The following COL6A3 variants were observed in gnomAD, a reference collection of about 807,000 sequenced individuals.
COL6A3 encodes collagen alpha-3(VI) chain.
In COL6A3, 137 loss-of-function variants were observed where a neutral mutation model predicts 274.1. The observed-to-expected ratio is 0.50, with a 90% CI of 0.44 to 0.58. The LOEUF (loss-of-function observed/expected upper bound fraction) is 0.58. Among genes scored for constraint, COL6A3 ranks in the 20% least tolerant of loss-of-function variants. The probability of loss-of-function intolerance (pLI) is 0.00; values close to 1 mark genes in which losing one functional copy is unlikely to be tolerated. For synonymous variants in COL6A3, 1,650 were observed against 1,650.6 expected (o/e 1.00, Z 0.01); for missense variants, 3,950 against 4,124.9 (o/e 0.96, Z 1.16).
chr2:237,371,752 C>T lies in COL6A3; in HGVS notation c.4265G>A (p.Ser1422Asn), dbSNP rs2077692770. 5 of 1,602,786 alleles carry T rather than the reference C, an allele frequency of 3.1e-6. No homozygotes were observed. The highest frequency in any genetic ancestry group is 3.3e-4 in the Middle Eastern group (2 of 5,998). The change falls in exon 9 of 44, where the codon AGC becomes AAC. Residue 1422 changes from serine to asparagine, a missense_variant. Transcript: ENST00000295550. This position sits in a 1 kb window ranked among gnomAD's most constrained non-coding sequence, Gnocchi z 4.3. ...TSEQIQKLLASTRYPPPAVES... is the reference protein window; with the variant it reads ...TSEQIQKLLANTRYPPPAVES... Reference sequence around the variant, plus strand: ...CTCACCTGGAGGTGGATAGCGAGTGCTGGCTAAGAGCTTCTGGATCTGCTC... The same window carrying T: ...CTCACCTGGAGGTGGATAGCGAGTGTTGGCTAAGAGCTTCTGGATCTGCTC...
At chr2:237,394,119 C>T (rs1057450927) in intron 3 of COL6A3, among the ~76,000 whole-genome samples, 3 of 152,152 alleles carry the variant, frequency 2.0e-5, no homozygotes, top group Non-Finnish European at 2.9e-5. Flanking sequence ...AAATTAACTC[C>T]GTAAAGTAGA....
intron 42 of COL6A3, 132 bp downstream of exon 42, chr2:237,333,318 C>CAG: frequency 1.3e-6 from 1 of 783,720 alleles, no homozygotes; most frequent in South Asian, 1.5e-5. Flanking sequence ...TTGGGCTGCA[C>CAG]AGAGCTGACG....
rs746263789 is a variant in COL6A3, at chr2:237,368,886, T to C, written c.4577A>G (p.Asn1526Ser). The change falls in exon 10 of 44, where the codon AAC becomes AGC. Residue 1526 changes from asparagine to serine, a missense_variant. Physicochemically the swap from Asn to Ser is conservative, Grantham distance 46. This residue lies in a region of COL6A3 where 1,934 missense variants were observed against 1,984.3 expected (regional missense o/e 0.97). Transcript: ENST00000295550. The surrounding 1 kb of genome is among the most constrained non-coding windows in gnomAD (Gnocchi z 4.4). ...ACTCCCCGCAGACTTAACAAAGAGGTTTCTTGCCACAAATTCGAGAGCCTT... is the reference window on the plus strand; with the variant it reads ...ACTCCCCGCAGACTTAACAAAGAGGCTTCTTGCCACAAATTCGAGAGCCTT... ...TGKALEFVARNLFVKSAGSRI... is the reference protein window; with the variant it reads ...TGKALEFVARSLFVKSAGSRI... The C allele has an allele frequency of 2.5e-6, 4 of 1,614,158 alleles. No homozygotes were observed. Among genetic ancestry groups the C allele is most frequent in the Non-Finnish European group, 2.5e-6 (3 of 1,180,022 alleles).
chr2:237,374,223 C>A lies in COL6A3; in HGVS notation c.3679+189G>T, dbSNP rs762188379. On this transcript the variant is annotated intron_variant, in intron 8 of 43. Transcript: ENST00000295550. The surrounding 1 kb of genome is among the most constrained non-coding windows in gnomAD (Gnocchi z 4.8). ...AAAACATGAATCTTAGCATCTCCCCCCTTGAACCTCTGCCATTTCTGCCCA... is the reference window on the plus strand; with the variant it reads ...AAAACATGAATCTTAGCATCTCCCCACTTGAACCTCTGCCATTTCTGCCCA... Among the ~76,000 whole-genome samples the A allele has an allele frequency of 6.6e-6, 1 of 152,224 alleles. No homozygotes were observed. Among genetic ancestry groups the A allele is most frequent in the Non-Finnish European group, 1.5e-5 (1 of 68,038 alleles).
chr2:237,360,247 G>A (rs2077405064), intron 16 of COL6A3, 88 bp from the exon 17 acceptor site: 7 of 1,273,682 alleles, frequency 5.5e-6, no homozygotes. Context: ...AGGGTACTGT[G>A]AACAGCATGC....
intron 32 of COL6A3, among the ~76,000 whole-genome samples, chr2:237,346,237 C>T (rs564672490): frequency 6.6e-6 from 1 of 152,302 alleles, no homozygotes; most frequent in Admixed American, 6.5e-5. Flanking sequence ...CTCAAATGCA[C>T]CTATGCCAGG....
Position 237,381,419 on chromosome 2 carries a change from G to C in COL6A3, c.1393C>G (p.Arg465Gly). Residue 465 changes from arginine to glycine, a missense_variant, in exon 5 of 44, where the codon CGA becomes GGA. Around this residue, in one of 5 missense-constraint regions of COL6A3, gnomAD observed 1,934 missense variants for 1,984.3 expected, o/e 0.97. Coordinates refer to ENST00000295550, the MANE Select transcript of COL6A3 (RefSeq NM_004369.4). ...ALGLANFNAIRDFIAKVIQRL... is the reference protein window; with the variant it reads ...ALGLANFNAIGDFIAKVIQRL... ...TGGATGACTTTAGCAATGAAGTCTC[G>C]GATGGCATTGAAGTTGGCCAGTCCC... 1.2e-6 allele frequency: 2 copies of C among 1,613,080 alleles called. No homozygotes were observed.
chr2:237,405,993 C>T (rs899577999), intron 1 of COL6A3, among the ~76,000 whole-genome samples: 5 of 152,098 alleles, frequency 3.3e-5, no homozygotes, highest in Admixed American at 2.0e-4. Context: ...CAATAAGAGA[C>T]ATTCATCACA....
chr2:237,389,207 G>A (rs182455199), intron 3 of COL6A3, among the ~76,000 whole-genome samples: 137 of 152,306 alleles, frequency 9.0e-4, no homozygotes, highest in Admixed American at 8.6e-3. Context: ...TAGCAGCCCT[G>A]AGGGAGGAAT....
At chr2:237,343,690 G>T (rs1392820287) in intron 36 of COL6A3, 2 of 148,052 alleles carry the variant, frequency 1.4e-5, no homozygotes, top group Non-Finnish European at 3.0e-5. Context: ...GTGTAGATTG[G>T]GGGTGCTGAG....
At chr2:237,380,418 A>G (rs973004404) in intron 5 of COL6A3, among the ~76,000 whole-genome samples, 1 of 152,240 alleles carries the variant, frequency 6.6e-6, no homozygotes, top group Admixed American at 6.5e-5. Flanking sequence ...TAGCCATTCA[A>G]TATGCTTTCC....
chr2:237,397,914 T>C (rs1162912624), intron 1 of COL6A3, among the ~76,000 whole-genome samples: 1 of 152,220 alleles, frequency 6.6e-6, no homozygotes, highest in African/African-American at 2.4e-5. Context: ...ACGCAGCAAT[T>C]TGGAAATAGC....
In COL6A3 at chr2:237,333,506, G is replaced by A; in HGVS notation, c.9272C>T (p.Ser3091Phe). ...CACCATTAGATTGATGGTTGAACTA[G>A]AAGCTGACCTTGCTGGCTGTGGAGG... is the stretch of plus-strand genomic sequence containing the variant. Reference protein sequence around the residue: ...PPPPQPARSASSSTINLMVST... With the variant: ...PPPPQPARSAFSSTINLMVST... Residue 3091 changes from serine to phenylalanine, a missense_variant, in exon 42 of 44, where the codon TCT becomes TTT. Ser to Phe is a radical substitution (Grantham distance 155). This residue lies in a region of COL6A3 where 1,284 missense variants were observed against 1,349.7 expected (regional missense o/e 0.95). Coordinates refer to ENST00000295550, the MANE Select transcript of COL6A3 (RefSeq NM_004369.4). 6.2e-7 allele frequency: 1 copy of A among 1,614,216 alleles called. No individual in the cohort carries two copies. The highest frequency in any genetic ancestry group is 8.5e-7 in the Non-Finnish European group (1 of 1,180,024).
chr2:237,363,151 C>A (rs531437277), intron 14 of COL6A3, 102 bp downstream of exon 14: 42 of 1,187,888 alleles, frequency 3.5e-5, no homozygotes, highest in Admixed American at 5.1e-5. Flanking sequence ...AGGCCCCCCC[C>A]CCACCTCCAT....
chr2:237,334,423 G>A (rs866412278), intron 41 of COL6A3, among the ~76,000 whole-genome samples: 2 of 152,214 alleles, frequency 1.3e-5, no homozygotes, highest in Admixed American at 1.3e-4. Flanking sequence ...CATCCCACAT[G>A]GAATCCCATT....
In COL6A3 at chr2:237,387,944, C is replaced by T. The variant is rs186336512; in HGVS notation, c.950G>A (p.Gly317Glu). The change falls in exon 4 of 44, where the codon GGG becomes GAG. Residue 317 changes from glycine (G) to glutamate (E), a missense_variant. Gly to Glu is a moderately conservative substitution (Grantham distance 98). This residue lies in a region of COL6A3 where 1,934 missense variants were observed against 1,984.3 expected (regional missense o/e 0.97). Transcript: ENST00000295550. Reference protein sequence around the residue: ...GAVKALGFAGGELANIGLALD... With the variant: ...GAVKALGFAGEELANIGLALD... The stretch of plus-strand genomic sequence containing the variant: ...GGCGAGGCCGATATTGGCCAACTCC[C>T]CACCAGCAAACCCGAGGGCTTTCAC... 1 of 1,614,214 alleles carries T rather than the reference C, an allele frequency of 6.2e-7. No individual in the cohort carries two copies. The highest frequency in any genetic ancestry group is 8.5e-7 in the Non-Finnish European group (1 of 1,180,038).
rs2077855011 is a variant in COL6A3 at position 237,376,842 on chromosome 2, G to A, written c.3000C>T (p.Pro1000=). Reference sequence around the variant, plus strand: ...TCTGTGGATGAAGATCTCCAATCTTGGGAAGCGACTCTGCAGCCAGGATAA... The same window carrying A: ...TCTGTGGATGAAGATCTCCAATCTTAGGAAGCGACTCTGCAGCCAGGATAA... ...PAFILAAESL[P]KIGDLHPQIV... Residue 1000 remains proline, a synonymous_variant, in exon 7 of 44, where the codon CCC becomes CCT. Coordinates refer to ENST00000295550, the MANE Select transcript of COL6A3 (RefSeq NM_004369.4). The A allele has an allele frequency of 6.2e-7, 1 of 1,614,074 alleles. No individual in the cohort carries two copies. Among genetic ancestry groups the A allele is most frequent in the East Asian group, 2.2e-5 (1 of 44,884 alleles).
rs776442168 is a variant in COL6A3, at chr2:237,361,213, G to A, written c.6157-39C>T. 6.3e-7 allele frequency: 1 copy of A among 1,597,216 alleles called. No homozygotes were observed. Among genetic ancestry groups the A allele is most frequent in the Non-Finnish European group, 8.6e-7 (1 of 1,164,806 alleles). The stretch of plus-strand genomic sequence containing the variant: ...ATCGGGTCCTCTGTTTAATCCCGTG[G>A]TCTTCTTTGCTCTACAGTAAGAATC... On this transcript the variant is annotated intron_variant, in intron 15 of 43. Coordinates refer to ENST00000295550, the MANE Select transcript of COL6A3 (RefSeq NM_004369.4). The surrounding 1 kb of genome is among the most constrained non-coding windows in gnomAD (Gnocchi z 5.1).
At chr2:237,388,582 C>T (rs543290942) in intron 3 of COL6A3, among the ~76,000 whole-genome samples, 1 of 152,138 alleles carries the variant, frequency 6.6e-6, no homozygotes, top group South Asian at 2.1e-4. Context: ...GAGTAGGTTA[C>T]CAAAACTTTA....
Sources: allele counts gnomAD v4.1 joint callset (sites outside exome capture counted in the v4.1 genomes callset), GRCh38; gene constraint gnomAD v4.1.1; regional missense constraint gnomAD v4.1.1; non-coding constraint Gnocchi (gnomAD v3.1); transcripts MANE v1.5; gene names NCBI Gene and HGNC (gene_info 2026-07-23, HGNC 2026-07-21).